Variants in PPM1H observed in about 807,000 individuals in gnomAD.
The protein encoded by PPM1H is protein phosphatase, Mg2+/Mn2+ dependent 1H.
PPM1H carries 27 observed loss-of-function variants against 54.9 expected under a neutral mutation model. The observed-to-expected ratio is 0.49, with a 90% CI of 0.36 to 0.68. The LOEUF (loss-of-function observed/expected upper bound fraction) is 0.68, where lower values mean the gene tolerates loss of function less well. PPM1H is among the 30% of genes least tolerant of loss of function. The pLI, the probability that PPM1H is intolerant of heterozygous loss-of-function variation, is 0.00. For missense variants in PPM1H, 596 were observed against 667.8 expected (o/e 0.89, Z 1.19); for synonymous variants, 305 against 270.8 (o/e 1.13, Z -1.24).
chr12:62,812,929 T>G (rs1015977176), intron 2 of PPM1H, among the ~76,000 whole-genome samples: 3 of 151,632 alleles, frequency 2.0e-5, no homozygotes, highest in African/African-American at 7.3e-5. Flanking sequence ...TCAGGTATAC[T>G]GATCCCAGGG....
Position 62,648,481 on chromosome 12 carries a change from G to A in PPM1H, c.*8C>T. ...TCCCCTCTGTCCTCCCAATCCCCTGGGCCATTTTCATGACAGCTTGTTTCC... is the reference window on the plus strand; with the variant it reads ...TCCCCTCTGTCCTCCCAATCCCCTGAGCCATTTTCATGACAGCTTGTTTCC... On this transcript the variant is annotated 3_prime_UTR_variant, in exon 10 of 10. Coordinates refer to ENST00000228705, the MANE Select transcript of PPM1H (RefSeq NM_020700.2). 4 of 1,613,700 alleles carry A rather than the reference G, an allele frequency of 2.5e-6. No individual in the cohort carries two copies. Among genetic ancestry groups the A allele is most frequent in the South Asian group, 1.1e-5 (1 of 91,062 alleles).
At chr12:62,669,720 C>A (rs957733828) in intron 8 of PPM1H, among the ~76,000 whole-genome samples, 4 of 151,986 alleles carry the variant, frequency 2.6e-5, no homozygotes, top group African/African-American at 9.7e-5. Flanking sequence ...TCACTTGAGG[C>A]CAGGAGTTCG....
intron 8 of PPM1H, among the ~76,000 whole-genome samples, chr12:62,676,076 T>C (rs1293328389): frequency 5.3e-5 from 8 of 152,146 alleles, no homozygotes; most frequent in African/African-American, 1.9e-4. Flanking sequence ...TGCATGCTGA[T>C]TGGTTCATGG....
Position 62,762,955 on chromosome 12 carries a change from T to C in PPM1H, c.869+25271A>G, listed in dbSNP as rs191335482. On this transcript the variant is annotated intron_variant, in intron 4 of 9. Coordinates refer to ENST00000228705, the MANE Select transcript of PPM1H (RefSeq NM_020700.2). ...TGAAGAACTGTGCATGATTCAATCC[T>C]TCCTCTTATTGAAAGGAAAGAAACT... Among the ~76,000 whole-genome samples the C allele has an allele frequency of 1.8e-3, 266 of 151,730 alleles. 3 individuals carry two copies. The highest frequency in any genetic ancestry group is 5.4e-3 in the African/African-American group (225 of 41,368).
chr12:62,737,671 A>C, intron 4 of PPM1H, 85 bp from the exon 5 acceptor site: 2 of 918,562 alleles, frequency 2.2e-6, no homozygotes, highest in Non-Finnish European at 3.2e-6. Context: ...CAGGTCACAC[A>C]TGAAATGCCA....
chr12:62,687,782 G>A (rs370284056), intron 8 of PPM1H, among the ~76,000 whole-genome samples: 9 of 152,118 alleles, frequency 5.9e-5, no homozygotes, highest in African/African-American at 2.2e-4. Flanking sequence ...GCCGAGGCAG[G>A]TGGATCACTA....
rs181020880 is a variant in PPM1H at position 62,820,080 on chromosome 12, G to A, written c.411+12034C>T. Among the ~76,000 whole-genome samples, 8 of 152,352 alleles carry A rather than the reference G, an allele frequency of 5.3e-5. No individual in the cohort carries two copies. In the East Asian group the frequency reaches 9.6e-4, roughly 18 times the overall value. ...CAGGACACTCCCGCCCAAATACTGCGCTTTTCCAATGGCCTTAGCAAATGG... is the reference window on the plus strand; with the variant it reads ...CAGGACACTCCCGCCCAAATACTGCACTTTTCCAATGGCCTTAGCAAATGG... On this transcript the variant is annotated intron_variant, in intron 2 of 9. Transcript: ENST00000228705.
intron 1 of PPM1H, among the ~76,000 whole-genome samples, chr12:62,924,728 G>A (rs150823402): frequency 6.6e-5 from 10 of 152,098 alleles, no homozygotes; most frequent in African/African-American, 2.2e-4. Flanking sequence ...ACTACAAAAC[G>A]TGAGATTTCA....
intron 2 of PPM1H, among the ~76,000 whole-genome samples, chr12:62,817,721 C>G (rs2120800440): frequency 6.6e-6 from 1 of 152,240 alleles, no homozygotes; most frequent in East Asian, 1.9e-4. Context: ...GTACTTCTTA[C>G]AAAAACAGAT....
intron 9 of PPM1H, among the ~76,000 whole-genome samples, chr12:62,651,301 C>T (rs2075815012): frequency 6.6e-6 from 1 of 151,826 alleles, no homozygotes; most frequent in South Asian, 2.1e-4. Context: ...TAGACAGACA[C>T]TCAAAGATGT....
chr12:62,683,078 ATT>A (rs2076031806), intron 8 of PPM1H, among the ~76,000 whole-genome samples: 2 of 112,648 alleles, frequency 1.8e-5, no homozygotes, highest in Non-Finnish European at 3.7e-5. Flanking sequence ...TATTATTATT[ATT>A]ATTATTTTTG....
intron 2 of PPM1H, among the ~76,000 whole-genome samples, chr12:62,815,419 A>G (rs2076860732): frequency 6.6e-6 from 1 of 152,226 alleles, no homozygotes; most frequent in African/African-American, 2.4e-5. Flanking sequence ...TAAAACATTA[A>G]TTTATAAAAG....
At chr12:62,703,733 G>T (rs2076157122) in intron 6 of PPM1H, among the ~76,000 whole-genome samples, 1 of 152,032 alleles carries the variant, frequency 6.6e-6, no homozygotes, top group African/African-American at 2.4e-5. Context: ...ATCCACAGAG[G>T]CTCTCCCTTG....
In PPM1H at chr12:62,710,120, T is replaced by A. The variant is rs146206801; in HGVS notation, c.1073+10051A>T. Among the ~76,000 whole-genome samples, 63 of 152,050 alleles carry A rather than the reference T, an allele frequency of 4.1e-4. No individual in the cohort carries two copies. In the East Asian group the frequency reaches 0.01, roughly 25 times the overall value. On this transcript the variant is annotated intron_variant, in intron 6 of 9. Transcript: ENST00000228705. ...GGCCACGTGGCAATCTCTTTAAAGC[T>A]AACATAGTCCTATATGATGAAATCC...
intron 9 of PPM1H, among the ~76,000 whole-genome samples, chr12:62,655,678 T>G (rs1223817457): frequency 6.6e-6 from 1 of 152,118 alleles, no homozygotes; most frequent in Non-Finnish European, 1.5e-5. Flanking sequence ...GGGTAGTGGA[T>G]TCTGTTACAC....
intron 1 of PPM1H, among the ~76,000 whole-genome samples, chr12:62,837,130 T>G (rs1161259641): frequency 1.3e-5 from 2 of 152,218 alleles, no homozygotes; most frequent in African/African-American, 4.8e-5. Flanking sequence ...TGTGAAATAC[T>G]CTAGTCAATT....
At chr12:62,904,440 A>G (rs930035661) in intron 1 of PPM1H, among the ~76,000 whole-genome samples, 2 of 152,094 alleles carry the variant, frequency 1.3e-5, no homozygotes, top group Non-Finnish European at 2.9e-5. Context: ...GGCTTTCTCC[A>G]TATTGCCCAG....
At chr12:62,719,389 G>T (rs2076252120) in intron 6 of PPM1H, among the ~76,000 whole-genome samples, 2 of 152,150 alleles carry the variant, frequency 1.3e-5, no homozygotes, top group Non-Finnish European at 1.5e-5. Context: ...CTGGCAGGAG[G>T]CTCGCTCGTT....
chr12:62,719,580 G>T (rs1414447017), intron 6 of PPM1H, among the ~76,000 whole-genome samples: 1 of 152,300 alleles, frequency 6.6e-6, no homozygotes, highest in East Asian at 1.9e-4. Context: ...TGTTCTTGAT[G>T]CTTACACAGT....
Sources: allele counts gnomAD v4.1 joint callset (sites outside exome capture counted in the v4.1 genomes callset), GRCh38; gene constraint gnomAD v4.1.1; transcripts MANE v1.5; gene names NCBI Gene and HGNC (gene_info 2026-07-23, HGNC 2026-07-21).